CEP112: variants seen among roughly 807,000 people sequenced by gnomAD.
The protein encoded by CEP112 is centrosomal protein of 112 kDa.
CEP112 carries 127 observed loss-of-function variants against 153.0 expected under a neutral mutation model. The ratio of observed to expected loss-of-function variants is 0.83; its 90% CI spans 0.72 to 0.96. The LOEUF (loss-of-function observed/expected upper bound fraction) is 0.96, where lower values mean the gene tolerates loss of function less well. CEP112 is among the 40% of genes least tolerant of loss of function. CEP112 has a pLI of 0.00. For synonymous variants in CEP112, 358 were observed against 374.4 expected, an observed-to-expected ratio of 0.96 and a Z score of 0.51; for missense variants, 1,089 against 1,101.2, an observed-to-expected ratio of 0.99 and a Z score of 0.16.
chr17:65,887,897 A>G (rs932403785), intron 20 of CEP112, among the ~76,000 whole-genome samples: 1 of 152,140 alleles, frequency 6.6e-6, no homozygotes, highest in Non-Finnish European at 1.5e-5. Flanking sequence ...ATGTGACTAT[A>G]GTTTTGTATC....
intron 24 of CEP112, among the ~76,000 whole-genome samples, chr17:65,646,609 T>C (rs1231731773): frequency 1.3e-5 from 2 of 152,208 alleles, no homozygotes; most frequent in East Asian, 1.9e-4. Context: ...GAGGGAAGCA[T>C]AGAGAGGTAA....
chr17:65,771,917 A>T (rs971204848), intron 21 of CEP112, among the ~76,000 whole-genome samples: 8 of 151,914 alleles, frequency 5.3e-5, no homozygotes, highest in Non-Finnish European at 8.8e-5. Flanking sequence ...GCTACTTGGG[A>T]GTTGGGAGGT....
intron 2 of CEP112, chr17:66,182,028 A>G (rs2072741477): frequency 6.6e-6 from 1 of 152,212 alleles, no homozygotes; most frequent in Admixed American, 6.5e-5. Flanking sequence ...CATAATTTAT[A>G]TATCATACTC....
chr17:65,685,670 T>TA (rs1371047140), intron 24 of CEP112, among the ~76,000 whole-genome samples: 9 of 142,324 alleles, frequency 6.3e-5, no homozygotes, highest in Admixed American at 1.4e-4. Context: ...AGTTCTAATT[T>TA]TTTTTTTTTT....
chr17:66,048,889 G>T (rs1437615433), intron 12 of CEP112, among the ~76,000 whole-genome samples: 1 of 152,156 alleles, frequency 6.6e-6, no homozygotes, highest in Non-Finnish European at 1.5e-5. Context: ...GATTACAGGG[G>T]AGAGCCACCA....
chr17:65,960,025 A>G (rs1013811964), intron 18 of CEP112, among the ~76,000 whole-genome samples: 15 of 152,178 alleles, frequency 9.9e-5, no homozygotes, highest in African/African-American at 3.6e-4. Context: ...CACAGGGCTC[A>G]ATCCTCAGTC....
chr17:66,035,908 TG>T (rs1412931879), intron 12 of CEP112, among the ~76,000 whole-genome samples: 1 of 152,138 alleles, frequency 6.6e-6, no homozygotes, highest in African/African-American at 2.4e-5. Flanking sequence ...TCCCGAAGTG[TG>T]ATGGGGGAAA....
chr17:65,876,221 C>A (rs991125773), intron 20 of CEP112, among the ~76,000 whole-genome samples: 16 of 152,100 alleles, frequency 1.1e-4, no homozygotes, highest in African/African-American at 3.9e-4. Flanking sequence ...ATATTTATTC[C>A]TCCATTTTAT....
chr17:65,889,651 C>A (rs1598900601), intron 20 of CEP112, among the ~76,000 whole-genome samples: 1 of 152,216 alleles, frequency 6.6e-6, no homozygotes, highest in South Asian at 2.1e-4. Context: ...CCATTACCCT[C>A]CATGCTCATG....
At chr17:65,741,839 T>C (rs1339116226) in intron 23 of CEP112, among the ~76,000 whole-genome samples, 1 of 151,828 alleles carries the variant, frequency 6.6e-6, no homozygotes. Context: ...AACAGTTATA[T>C]AGATCAATGG....
At chr17:66,083,553 GAACT>G (rs1023859038) in intron 8 of CEP112, among the ~76,000 whole-genome samples, 1 of 152,058 alleles carries the variant, frequency 6.6e-6, no homozygotes, top group African/African-American at 2.4e-5. Context: ...ATACCATTAA[GAACT>G]GACTAATGAG....
chr17:65,652,106 C>A (rs2045813085), intron 24 of CEP112, among the ~76,000 whole-genome samples: 1 of 152,126 alleles, frequency 6.6e-6, no homozygotes, highest in Non-Finnish European at 1.5e-5. Flanking sequence ...AATGTGATCT[C>A]TTTTTATATT....
At chr17:65,935,927 G>C (rs1479285190) in intron 18 of CEP112, among the ~76,000 whole-genome samples, 1 of 151,886 alleles carries the variant, frequency 6.6e-6, no homozygotes, top group Admixed American at 6.6e-5. Context: ...AAATGAAATA[G>C]AGACTAGAAA....
intron 4 of CEP112, among the ~76,000 whole-genome samples, chr17:66,157,199 C>A (rs190736684): frequency 6.6e-6 from 1 of 152,202 alleles, no homozygotes; most frequent in African/African-American, 2.4e-5. Flanking sequence ...ACCCTACAAG[C>A]CAGAAGAGAG....
chr17:65,644,007 C>G (rs2045296049), intron 24 of CEP112, among the ~76,000 whole-genome samples: 2 of 152,110 alleles, frequency 1.3e-5, no homozygotes, highest in African/African-American at 4.8e-5. Context: ...GAGCTGCCCT[C>G]CTGGGCACAG....
At chr17:65,920,403 AT>A (rs2060676377) in intron 19 of CEP112, among the ~76,000 whole-genome samples, 6 of 116,914 alleles carry the variant, frequency 5.1e-5, no homozygotes, top group East Asian at 5.2e-4. Context: ...ATATATATAT[AT>A]AATTATAATA....
intron 21 of CEP112, among the ~76,000 whole-genome samples, chr17:65,830,390 T>A (rs912370152): frequency 1.1e-4 from 17 of 152,182 alleles, no homozygotes; most frequent in African/African-American, 3.9e-4. Context: ...TAGATTCAGT[T>A]TCCAAGGTAA....
At chr17:66,127,943 CAA>C (rs1434426755) in intron 6 of CEP112, among the ~76,000 whole-genome samples, 1 of 152,120 alleles carries the variant, frequency 6.6e-6, no homozygotes, top group East Asian at 1.9e-4. Flanking sequence ...TTTACTCTCT[CAA>C]AAGTTTTTCC....
At chr17:65,860,447 T>A (rs770362018) in intron 20 of CEP112, among the ~76,000 whole-genome samples, 1 of 152,204 alleles carries the variant, frequency 6.6e-6, no homozygotes, top group Non-Finnish European at 1.5e-5. Flanking sequence ...CATAGTACCA[T>A]GACATCCCCA....
Sources: allele counts gnomAD v4.1 joint callset (sites outside exome capture counted in the v4.1 genomes callset), GRCh38; gene constraint gnomAD v4.1.1; transcripts MANE v1.5; gene names NCBI Gene and HGNC (gene_info 2026-07-23, HGNC 2026-07-21).